The following UTP11 variants were observed in gnomAD, a reference collection of about 807,000 sequenced individuals.
UTP11 encodes UTP11 small subunit processome component, also known as probable U3 small nucleolar RNA-associated protein 11.
Under a neutral mutation model 39.0 loss-of-function variants are expected in UTP11, and 29 were observed. That is an observed-to-expected ratio of 0.74 (90% CI 0.55 to 1.01). The LOEUF is 1.01. Ranked by LOEUF, UTP11 falls within the 50% of genes least tolerant of loss-of-function variation. The probability of loss-of-function intolerance (pLI) is 0.00; values close to 1 mark genes in which losing one functional copy is unlikely to be tolerated. For synonymous variants in UTP11, 111 were observed against 105.0 expected (o/e 1.06, Z -0.35); for missense variants, 281 against 306.0 (o/e 0.92, Z 0.61).
Position 38,012,948 on chromosome 1 carries a change from C to T in UTP11, c.63+83C>T, listed in dbSNP as rs953411842. ...CCAACCCTGTCGCCACCGTGGGATC[C>T]GGGTCCAAACTGTATAGTATATAAA... On this transcript the variant is annotated intron_variant, in intron 1 of 7. Transcript: ENST00000373014. 6.5e-6 allele frequency: 10 copies of T among 1,542,282 alleles called. No individual in the cohort carries two copies. The African/African-American group carries it at 1.2e-4, about 19-fold the overall frequency.
chr1:38,012,980 T>A, intron 1 of UTP11, 115 bp downstream of exon 1: 2 of 1,243,290 alleles, frequency 1.6e-6, no homozygotes, highest in Non-Finnish European at 2.3e-6. Flanking sequence ...TAAATGCACG[T>A]AAATGTATGT....
intron 6 of UTP11, among the ~76,000 whole-genome samples, chr1:38,022,171 A>G (rs916078457): frequency 6.6e-6 from 1 of 152,188 alleles, no homozygotes; most frequent in Admixed American, 6.5e-5. Flanking sequence ...CCATCATCTC[A>G]GGTGACTGTG....
At chr1:38,013,740 A>T (rs1356440508) in intron 1 of UTP11, among the ~76,000 whole-genome samples, 1 of 151,798 alleles carries the variant, frequency 6.6e-6, no homozygotes, top group African/African-American at 2.4e-5. Context: ...TTTGAGATGG[A>T]GTCTCACTCT....
At chr1:38,013,759 G>C (rs551696093) in intron 1 of UTP11, among the ~76,000 whole-genome samples, 56 of 152,198 alleles carry the variant, frequency 3.7e-4, no homozygotes, top group African/African-American at 1.3e-3. Context: ...CTGTTGCCCA[G>C]GTTGGAGTGC....
At position 38,018,531 on chromosome 1, in the gene UTP11, C is replaced by T; in HGVS notation, c.296C>T (p.Thr99Ile). The T allele has an allele frequency of 1.2e-6, 2 of 1,613,854 alleles. No homozygotes were observed. The highest frequency in any genetic ancestry group is 1.7e-6 in the Non-Finnish European group (2 of 1,179,882). ...CCAGAACAACTAAAGCTGATGAGAA[C>T]TCAGGACGTCAAATATATAGAAATG... ...VTPEQLKLMR[T>I]QDVKYIEMKR... The change falls in exon 4 of 8, where the codon ACT becomes ATT. Residue 99 changes from threonine (T) to isoleucine (I), a missense_variant. Thr to Ile is a moderately conservative substitution (Grantham distance 89). Transcript: ENST00000373014.
In UTP11 at chr1:38,023,846, AT is replaced by A. The variant is rs879884644; in HGVS notation, c.*228del. Reference sequence around the variant, plus strand: ...AATTAGTCTTATTTTTATATACTTAATTTTTTTTTTCTTTGAGATAGGGTCT... The same window carrying A: ...AATTAGTCTTATTTTTATATACTTAATTTTTTTTTCTTTGAGATAGGGTCT... On this transcript the variant is annotated 3_prime_UTR_variant, in exon 8 of 8. Coordinates refer to ENST00000373014, the MANE Select transcript of UTP11 (RefSeq NM_016037.4). 7.4e-4 allele frequency: 269 copies of A among 362,522 alleles called. No individual in the cohort carries two copies. Among genetic ancestry groups the A allele is most frequent in the South Asian group, 1.0e-3 (16 of 15,274 alleles). 22.5% of individuals were successfully genotyped at this position (362,522 alleles called of 1,614,324 possible).
Position 38,017,796 on chromosome 1 carries a change from G to A in UTP11, c.228+26G>A, listed in dbSNP as rs370387865. 10 of 1,565,822 alleles carry A rather than the reference G, an allele frequency of 6.4e-6. No individual in the cohort carries two copies. The African/African-American group carries it at 1.4e-4, about 21-fold the overall frequency. ...GTGGGTGCCCAATGGCTTGGTTGGT[G>A]TTTTGAGCTCCACACATTGGAAAAT... On this transcript the variant is annotated intron_variant, in intron 3 of 7. Coordinates refer to ENST00000373014, the MANE Select transcript of UTP11 (RefSeq NM_016037.4).
At chr1:38,015,213 A>T (rs894664953) in intron 1 of UTP11, among the ~76,000 whole-genome samples, 21 of 151,966 alleles carry the variant, frequency 1.4e-4, no homozygotes, top group African/African-American at 3.9e-4. Context: ...GTAGAGGTGG[A>T]GTTTCACCAG....
intron 6 of UTP11, among the ~76,000 whole-genome samples, chr1:38,020,783 ACT>A (rs1261858623): frequency 6.6e-6 from 1 of 152,250 alleles, no homozygotes; most frequent in Admixed American, 6.5e-5. Context: ...GTCTGAAACC[ACT>A]GCTGTGAGAC....
rs762253056 is a variant in UTP11 at position 38,022,753 on chromosome 1, C to T, written c.622C>T (p.Arg208Ter). ...TAACTGCCTGACACAGCGGATTGAA[C>T]GAGAGAAGAAATTGTTCGTTATTGC... The part of the protein sequence containing the change: ...QYNCLTQRIE[R>*]EKKLFVIAQK... The change falls in exon 7 of 8, where the codon CGA becomes TGA. Residue 208 changes from arginine to a stop codon, truncating the protein, a stop_gained. Coordinates refer to ENST00000373014, the MANE Select transcript of UTP11 (RefSeq NM_016037.4). LOFTEE classifies it high-confidence loss of function. 14 of 1,613,662 alleles carry T rather than the reference C, an allele frequency of 8.7e-6. No homozygotes were observed. The highest frequency in any genetic ancestry group is 4.5e-5 in the East Asian group (2 of 44,896).
intron 6 of UTP11, among the ~76,000 whole-genome samples, chr1:38,020,562 T>A (rs1646730869): frequency 6.6e-6 from 1 of 152,178 alleles, no homozygotes; most frequent in Admixed American, 6.5e-5. Flanking sequence ...AAAAATGCTG[T>A]CAATGTGTTT....
intron 6 of UTP11, among the ~76,000 whole-genome samples, chr1:38,020,924 AC>A (rs1646732802): frequency 6.8e-6 from 1 of 147,712 alleles, no homozygotes; most frequent in South Asian, 2.2e-4. Context: ...AATTAGGTGT[AC>A]TTTTTTTTTT....
intron 5 of UTP11, 44 bp downstream of exon 5, chr1:38,019,196 T>A (rs768412855): frequency 6.2e-7 from 1 of 1,613,838 alleles, no homozygotes; most frequent in Middle Eastern, 1.6e-4. Flanking sequence ...ACCATGCCAG[T>A]CTGTGTCATT....
chr1:38,022,855 T>A, intron 7 of UTP11, 46 bp downstream of exon 7: 4 of 1,344,956 alleles, frequency 3.0e-6, no homozygotes, highest in Non-Finnish European at 4.2e-6. Context: ...TTTCCCCCTT[T>A]TCTTTCTTGT....
chr1:38,020,291 C>T (rs966464657), intron 6 of UTP11, among the ~76,000 whole-genome samples: 5 of 151,708 alleles, frequency 3.3e-5, no homozygotes, highest in Admixed American at 1.3e-4. Context: ...TTTGTAGAAA[C>T]GGGGTCTCGC....
At chr1:38,016,499 T>TC (rs763438828) in intron 2 of UTP11, 79 bp downstream of exon 2, 102 of 1,439,528 alleles carry the variant, frequency 7.1e-5, no homozygotes, top group Non-Finnish European at 9.4e-5. Flanking sequence ...TGCCTGAGTG[T>TC]CCAACAGGGG....
intron 1 of UTP11, 137 bp from the exon 2 acceptor site, chr1:38,016,222 A>T (rs1646706255): frequency 1.2e-6 from 1 of 833,896 alleles, no homozygotes; most frequent in South Asian, 1.5e-5. Context: ...AGGGGAGGGA[A>T]CAGGGTCATG....
intron 2 of UTP11, 34 bp downstream of exon 2, chr1:38,016,454 A>G (rs1204937469): frequency 1.2e-6 from 2 of 1,611,474 alleles, no homozygotes; most frequent in Admixed American, 1.7e-5. Context: ...GGCGCTGCCA[A>G]GAAAGCTTAC....
At position 38,016,395 on chromosome 1, in the gene UTP11, A is replaced by AC. The variant is rs1646707267; in HGVS notation, c.100_101insC (p.Lys34ThrfsTer10). The AC allele has an allele frequency of 6.2e-7, 1 of 1,614,064 alleles. No homozygotes were observed. Among genetic ancestry groups the AC allele is most frequent in the Admixed American group, 1.7e-5 (1 of 60,010 alleles). ...AAAACATCTGGGCCTGCTGGAGAAA[A>AC]AGAAAGATTACAAACTTCGTGCAGA... On this transcript the variant is annotated frameshift_variant, in exon 2 of 8. Coordinates refer to ENST00000373014, the MANE Select transcript of UTP11 (RefSeq NM_016037.4). LOFTEE classifies it high-confidence loss of function.
Sources: allele counts gnomAD v4.1 joint callset (sites outside exome capture counted in the v4.1 genomes callset), GRCh38; gene constraint gnomAD v4.1.1; transcripts MANE v1.5; gene names NCBI Gene and HGNC (gene_info 2026-07-23, HGNC 2026-07-21).